CELF3: variants seen among roughly 807,000 people sequenced by gnomAD.
CELF3 encodes CAG repeat domain.
A neutral mutation model predicts 59.6 loss-of-function variants in CELF3; 26 were observed. That is an observed-to-expected ratio of 0.44 (90% confidence interval 0.32 to 0.61). CELF3 has a LOEUF of 0.61. Among genes scored for constraint, CELF3 ranks in the 20% least tolerant of loss-of-function variants. The pLI is 0.06. For missense variants in CELF3, 387 were observed against 627.2 expected, an observed-to-expected ratio of 0.62 and a Z score of 4.09; for synonymous variants, 245 against 250.7, an observed-to-expected ratio of 0.98 and a Z score of 0.22.
At chr1:151,703,603 A>G (rs944644910) in intron 12 of CELF3, among the ~76,000 whole-genome samples, 155 bp from the exon 13 acceptor site, 5 of 152,002 alleles carry the variant, frequency 3.3e-5, no homozygotes, top group South Asian at 2.1e-4. Context: ...AAACGGACCC[A>G]TCTGCCCCCA....
chr1:151,703,617 C>A (rs903074320), intron 12 of CELF3, among the ~76,000 whole-genome samples, 169 bp from the exon 13 acceptor site: 1 of 151,880 alleles, frequency 6.6e-6, no homozygotes, highest in African/African-American at 2.4e-5. Context: ...GCCCCCACCC[C>A]CAGCCATGAG....
chr1:151,707,102 T>G, intron 8 of CELF3, 43 bp downstream of exon 8: 1 of 1,443,476 alleles, frequency 6.9e-7, no homozygotes, highest in Non-Finnish European at 9.1e-7. Context: ...GAGTGGTGGT[T>G]TAGATGGTTG....
At position 151,709,061 on chromosome 1, in the gene CELF3, C is replaced by A; in HGVS notation, c.423G>T (p.Lys141Asn). 1 of 1,613,890 alleles carries A rather than the reference C, an allele frequency of 6.2e-7. No homozygotes were observed. The highest frequency in any genetic ancestry group is 8.5e-7 in the Non-Finnish European group (1 of 1,179,922). Residue 141 changes from lysine to asparagine, a missense_variant, in exon 5 of 13, where the codon AAG (lysine) becomes AAT (asparagine). Lys to Asn is a moderately conservative substitution (Grantham distance 94, BLOSUM62 0). Around this residue, in one of 3 missense-constraint regions of CELF3, gnomAD observed 208 missense variants for 354.8 expected, o/e 0.59. Transcript: ENST00000290583. This position sits in a 1 kb window ranked among gnomAD's most constrained non-coding sequence, Gnocchi z 4.9. Reference protein sequence around the residue: ...DGTSKGCAFVKFQTHAEAQAA... With the variant: ...DGTSKGCAFVNFQTHAEAQAA... ...CCTGGGCCTCAGCGTGGGTCTGGAA[C>A]TTCACGAAGGCGCAGCCTGGAGAGG...
At position 151,702,187 on chromosome 1, in the gene CELF3, C is replaced by A. The variant is rs1177708564; in HGVS notation, c.*1272G>T. Among the ~76,000 whole-genome samples the A allele has an allele frequency of 6.6e-6, 1 of 152,176 alleles. No homozygotes were observed. Among genetic ancestry groups the A allele is most frequent in the African/African-American group, 2.4e-5 (1 of 41,442 alleles). On this transcript the variant is annotated 3_prime_UTR_variant, in exon 13 of 13. Coordinates refer to ENST00000290583, the MANE Select transcript of CELF3 (RefSeq NM_007185.7). ...CCCCGACAGGGGAGATCTCCTTGTG[C>A]CGAACTCTGCAGGACATTCCAGAAT...
rs1672857149 is a variant in CELF3, at chr1:151,709,706, G to A, written c.277+37C>T. ...ACTCCAGGCCCTGGGCCTGGGGGTG[G>A]GAGGAGAGGGACAGAGTCCAAAGGC... On this transcript the variant is annotated intron_variant, in intron 3 of 12. Transcript: ENST00000290583. This position sits in a 1 kb window ranked among gnomAD's most constrained non-coding sequence, Gnocchi z 4.9. The A allele has an allele frequency of 6.2e-7, 1 of 1,605,746 alleles. No homozygotes were observed. Among genetic ancestry groups the A allele is most frequent in the South Asian group, 1.1e-5 (1 of 90,876 alleles).
rs1672174152 is a variant in CELF3 at position 151,702,756 on chromosome 1, G to C, written c.*703C>G. ...GGCCGGGCGGGCTGGATAACGCACG[G>C]GTGGTAGTGGTATTTACACAGAGGG... On this transcript the variant is annotated 3_prime_UTR_variant, in exon 13 of 13. Transcript: ENST00000290583. 1 of 160,838 alleles carries C rather than the reference G, an allele frequency of 6.2e-6. No individual in the cohort carries two copies. Among genetic ancestry groups the C allele is most frequent in the African/African-American group, 2.4e-5 (1 of 41,658 alleles). The allele number at this position is 160,838 out of a possible 1,614,324, so 10.0% of individuals were successfully genotyped here. A position where few individuals can be genotyped will look rare whatever the true frequency, so the allele number is the denominator to read the frequency against.
In CELF3 at chr1:151,703,018, C is replaced by G; in HGVS notation, c.*441G>C. 1 of 367,342 alleles carries G rather than the reference C, an allele frequency of 2.7e-6. No homozygotes were observed. The highest frequency in any genetic ancestry group is 7.3e-5 in the East Asian group (1 of 13,634). The allele number at this position is 367,342 out of a possible 1,614,324, so 22.8% of individuals were successfully genotyped here. On this transcript the variant is annotated 3_prime_UTR_variant, in exon 13 of 13. Transcript: ENST00000290583. ...GTGAGAGCCAGCTTCCAAGAAACCC[C>G]TAATGTGGGGAAGAGGCTGGGGTGA... is the stretch of plus-strand genomic sequence containing the variant.
rs1004190648 is a variant in CELF3, at chr1:151,702,675, A to G, written c.*784T>C. 1.9e-5 allele frequency: 3 copies of G among 153,990 alleles called. No homozygotes were observed. Among genetic ancestry groups the G allele is most frequent in the Non-Finnish European group, 2.9e-5 (2 of 68,972 alleles). The allele number at this position is 153,990 out of a possible 1,614,324, so 9.5% of individuals were successfully genotyped here. A position where few individuals can be genotyped will look rare whatever the true frequency, so the allele number is the denominator to read the frequency against. ...GGGAGAAATTAAGAGAGAGAAAAAA[A>G]TCCAAGGGCAACATTGTCTAAACTC... On this transcript the variant is annotated 3_prime_UTR_variant, in exon 13 of 13. Transcript: ENST00000290583.
rs1163054120 is a variant in CELF3 at position 151,716,080 on chromosome 1, G to C, written c.-60C>G. On this transcript the variant is annotated 5_prime_UTR_variant, in exon 1 of 13. Coordinates refer to ENST00000290583, the MANE Select transcript of CELF3 (RefSeq NM_007185.7). ...GGGAGAGGCCCAAAGGCCAAGGGGAGCTGCCCAGCAAGGAGATAAGTGGTG... is the reference window on the plus strand; with the variant it reads ...GGGAGAGGCCCAAAGGCCAAGGGGACCTGCCCAGCAAGGAGATAAGTGGTG... 3 of 1,523,688 alleles carry C rather than the reference G, an allele frequency of 2.0e-6. No individual in the cohort carries two copies. The highest frequency in any genetic ancestry group is 1.4e-5 in the African/African-American group (1 of 72,392). The allele number at this position is 1,523,688 out of a possible 1,614,324, so 94.4% of individuals were successfully genotyped here.
At chr1:151,704,969 T>A in intron 12 of CELF3, 62 bp downstream of exon 12, 1 of 1,528,732 alleles carries the variant, frequency 6.5e-7, no homozygotes, top group Non-Finnish European at 8.9e-7. Context: ...TGTAGTCCAA[T>A]CGAGGGCCCT....
rs760760607 is a variant in CELF3 at position 151,706,300 on chromosome 1, G to T, written c.1050C>A (p.Val350=). ...GAGGTGGTGGTGGGGGCTGCTGGGCGACCAGGGCTGGAGGCTGCGGGAACG... is the reference window on the plus strand; with the variant it reads ...GAGGTGGTGGTGGGGGCTGCTGGGCTACCAGGGCTGGAGGCTGCGGGAACG... The part of the protein sequence containing the change: ...APAFPQPPAL[V]AQQPPPPPQQ... Residue 350 remains valine (V), a synonymous_variant, in exon 10 of 13, where the codon GTC becomes GTA. Transcript: ENST00000290583. The T allele has an allele frequency of 6.4e-7, 1 of 1,562,450 alleles. No homozygotes were observed. Among genetic ancestry groups the T allele is most frequent in the Non-Finnish European group, 8.7e-7 (1 of 1,153,780 alleles).
chr1:151,707,932 C>T lies in CELF3; in HGVS notation c.490G>A (p.Ala164Thr). ...AACTTCACCACCAGGCTGGACGAGG[C>T]ACCCTGGGCACGGGCCCACACACAG... is the stretch of plus-strand genomic sequence containing the variant. Reference protein sequence around the residue: ...TLHSSRTLPGASSSLVVKFAD... With the variant: ...TLHSSRTLPGTSSSLVVKFAD... The change falls in exon 6 of 13, where the codon GCC becomes ACC. Residue 164 changes from alanine to threonine, a missense_variant. By Grantham distance (58) the Ala-to-Thr change is moderately conservative. Around this residue, in one of 3 missense-constraint regions of CELF3, gnomAD observed 208 missense variants for 354.8 expected, o/e 0.59. Transcript: ENST00000290583. 1 of 1,610,490 alleles carries T rather than the reference C, an allele frequency of 6.2e-7. No individual in the cohort carries two copies. The highest frequency in any genetic ancestry group is 8.5e-7 in the Non-Finnish European group (1 of 1,177,574).
chr1:151,707,922 C>T lies in CELF3; in HGVS notation c.500G>A (p.Ser167Asn). 1 of 1,612,318 alleles carries T rather than the reference C, an allele frequency of 6.2e-7. No homozygotes were observed. The highest frequency in any genetic ancestry group is 1.3e-5 in the African/African-American group (1 of 75,042). ...SSRTLPGASS[S>N]LVVKFADTEK... ...AGTGTCAGCAAACTTCACCACCAGG[C>T]TGGACGAGGCACCCTGGGCACGGGC... Residue 167 changes from serine (S) to asparagine (N), a missense_variant, in exon 6 of 13, where the codon AGC becomes AAC. By Grantham distance (46) the Ser-to-Asn change is conservative (BLOSUM62 1). Transcript: ENST00000290583.
intron 1 of CELF3, 42 bp from the exon 2 acceptor site, chr1:151,714,718 T>A: frequency 7.5e-7 from 1 of 1,324,712 alleles, no homozygotes; most frequent in Non-Finnish European, 1.1e-6. Flanking sequence ...GGGGGGTGAG[T>A]CCTCCATCTC....
At position 151,701,311 on chromosome 1, in the gene CELF3, G is replaced by T. The variant is rs1672062991; in HGVS notation, c.*2148C>A. Among the ~76,000 whole-genome samples, 1 of 152,148 alleles carries T rather than the reference G, an allele frequency of 6.6e-6. No individual in the cohort carries two copies. The highest frequency in any genetic ancestry group is 2.4e-5 in the African/African-American group (1 of 41,416). The stretch of plus-strand genomic sequence containing the variant: ...GTGGGGTAGCAGCCTAGAAGCACAT[G>T]TTCTATGAAGTCAAAGAAGACACCT... On this transcript the variant is annotated 3_prime_UTR_variant, in exon 13 of 13. Coordinates refer to ENST00000290583, the MANE Select transcript of CELF3 (RefSeq NM_007185.7).
rs947166918 is a variant in CELF3, at chr1:151,702,724, C to T, written c.*735G>A. 1.3e-5 allele frequency: 2 copies of T among 156,684 alleles called. No homozygotes were observed. Among genetic ancestry groups the T allele is most frequent in the Non-Finnish European group, 2.8e-5 (2 of 70,274 alleles). 9.7% of individuals were successfully genotyped at this position (156,684 alleles called of 1,614,324 possible). The stretch of plus-strand genomic sequence containing the variant: ...TCCCAGAAAGAGAGATGGCAGCGTC[C>T]GGGCCAGGCCGGGCGGGCTGGATAA... On this transcript the variant is annotated 3_prime_UTR_variant, in exon 13 of 13. Transcript: ENST00000290583.
At chr1:151,710,901 A>G (rs1266106768) in intron 2 of CELF3, 3 of 451,672 alleles carry the variant, frequency 6.6e-6, no homozygotes, top group Non-Finnish European at 1.3e-5. Flanking sequence ...GAGGAGAAGG[A>G]CTTAGTATTT....
rs550089895 is a variant in CELF3 at position 151,716,571 on chromosome 1, G to C, written c.-551C>G. 3.8e-5 allele frequency: 13 copies of C among 343,554 alleles called. No homozygotes were observed. Among genetic ancestry groups the C allele is most frequent in the African/African-American group, 2.8e-4 (13 of 46,386 alleles). The allele number at this position is 343,554 out of a possible 1,614,324, so 21.3% of individuals were successfully genotyped here. A position where few individuals can be genotyped will look rare whatever the true frequency, so the allele number is the denominator to read the frequency against. On this transcript the variant is annotated 5_prime_UTR_variant, in exon 1 of 13. Coordinates refer to ENST00000290583, the MANE Select transcript of CELF3 (RefSeq NM_007185.7). ...TCCCCTGTGGCGGATCCTTCTGCTG[G>C]GTCCGAAGATCCCTGATGCCAGATG...
At chr1:151,706,552 G>T in intron 9 of CELF3, 117 bp downstream of exon 9, 4 of 1,290,432 alleles carry the variant, frequency 3.1e-6, no homozygotes, top group Non-Finnish European at 4.4e-6. Context: ...GGGCTTGTCA[G>T]TAAAGCCTGA....
Sources: allele counts gnomAD v4.1 joint callset (sites outside exome capture counted in the v4.1 genomes callset), GRCh38; gene constraint gnomAD v4.1.1; regional missense constraint gnomAD v4.1.1; non-coding constraint Gnocchi (gnomAD v3.1); transcripts MANE v1.5; gene names NCBI Gene and HGNC (gene_info 2026-07-23, HGNC 2026-07-21).